PRDM16: variants seen among roughly 807,000 people sequenced by gnomAD.
PRDM16 encodes the protein PR/SET domain 16.
In PRDM16, 23 loss-of-function variants were observed where a neutral mutation model predicts 110.6. That is an observed-to-expected ratio of 0.21 (90% CI 0.15 to 0.29). PRDM16 has a LOEUF of 0.29. PRDM16 is among the 10% of genes least tolerant of loss of function. PRDM16 has a pLI of 1.00. For missense variants in PRDM16, 1,615 were observed against 1,794.3 expected (o/e 0.90, Z 1.81); for synonymous variants, 799 against 781.8 (o/e 1.02, Z -0.37).
At chr1:3,077,313 G>A (rs970066484) in intron 1 of PRDM16, among the ~76,000 whole-genome samples, 2 of 152,144 alleles carry the variant, frequency 1.3e-5, no homozygotes, top group Admixed American at 6.5e-5. Context: ...ACTCTGCATC[G>A]TGTGTGTGTC....
chr1:3,211,464 A>G (rs1330519586), intron 2 of PRDM16, among the ~76,000 whole-genome samples: 2 of 151,964 alleles, frequency 1.3e-5, no homozygotes, highest in Admixed American at 6.6e-5. Flanking sequence ...CCGTGGGTGG[A>G]CTCCTAAGAA....
intron 4 of PRDM16, chr1:3,394,483 G>A (rs770900414): frequency 9.2e-6 from 4 of 436,456 alleles, no homozygotes; most frequent in African/African-American, 6.3e-5. Context: ...GGGTGGGGTG[G>A]AGAGGGAGGT....
intron 3 of PRDM16, among the ~76,000 whole-genome samples, chr1:3,262,637 G>A (rs926180697): frequency 6.6e-6 from 1 of 152,216 alleles, no homozygotes; most frequent in African/African-American, 2.4e-5. Flanking sequence ...TTTGGGGAAG[G>A]GGTGCAGCTT....
chr1:3,378,243 G>A (rs1254781968), intron 3 of PRDM16, among the ~76,000 whole-genome samples: 1 of 152,196 alleles, frequency 6.6e-6, no homozygotes, highest in Non-Finnish European at 1.5e-5. Context: ...AGCATCCAGA[G>A]CCCAGGGAGG....
chr1:3,258,877 C>G (rs1640104537), intron 3 of PRDM16, among the ~76,000 whole-genome samples: 1 of 152,216 alleles, frequency 6.6e-6, no homozygotes, highest in African/African-American at 2.4e-5. Context: ...ACCTGAGGCT[C>G]TGGGTTACCA....
chr1:3,173,986 G>A (rs1276942732), intron 1 of PRDM16, among the ~76,000 whole-genome samples: 1 of 152,234 alleles, frequency 6.6e-6, no homozygotes, highest in Non-Finnish European at 1.5e-5. Context: ...TGGTCTTTGT[G>A]TGAGTGTCTT....
At chr1:3,406,653 G>A (rs758103941) in intron 8 of PRDM16, among the ~76,000 whole-genome samples, 9 of 152,122 alleles carry the variant, frequency 5.9e-5, no homozygotes, top group Non-Finnish European at 1.0e-4. Flanking sequence ...AAGGGCAAGA[G>A]GATGTCCTGA....
chr1:3,233,375 T>C (rs1639462385), intron 2 of PRDM16, among the ~76,000 whole-genome samples: 1 of 152,004 alleles, frequency 6.6e-6, no homozygotes, highest in Admixed American at 6.6e-5. Flanking sequence ...ATGGCAGAGT[T>C]TGGTGTTGGT....
chr1:3,423,060 C>T (rs371971861), intron 12 of PRDM16, among the ~76,000 whole-genome samples: 84 of 152,358 alleles, frequency 5.5e-4, no homozygotes, highest in African/African-American at 1.8e-3. Flanking sequence ...AGCCTGGCCT[C>T]CGGCAAAGGT....
chr1:3,347,635 C>A (rs1642389523), intron 3 of PRDM16, among the ~76,000 whole-genome samples: 1 of 152,202 alleles, frequency 6.6e-6, no homozygotes, highest in Non-Finnish European at 1.5e-5. Flanking sequence ...CATGACCCTG[C>A]CCCAGGTCCC....
Position 3,339,131 on chromosome 1 carries a change from G to C in PRDM16, c.439-46021G>C, listed in dbSNP as rs946366767. Among the ~76,000 whole-genome samples, 3 of 152,168 alleles carry C rather than the reference G, an allele frequency of 2.0e-5. No homozygotes were observed. The highest frequency in any genetic ancestry group is 4.4e-5 in the Non-Finnish European group (3 of 68,038). On this transcript the variant is annotated intron_variant, in intron 3 of 16. Coordinates refer to ENST00000270722, the MANE Select transcript of PRDM16 (RefSeq NM_022114.4). This position sits in a 1 kb window ranked among gnomAD's most constrained non-coding sequence, Gnocchi z 5.0. The stretch of plus-strand genomic sequence containing the variant: ...TGGCCTCCCCATGTCCCGCCTTTCC[G>C]GGTGCTCAGAGGCATCTCCTGCTCT...
At chr1:3,169,473 C>G (rs576162930) in intron 1 of PRDM16, among the ~76,000 whole-genome samples, 1 of 152,242 alleles carries the variant, frequency 6.6e-6, no homozygotes, top group Non-Finnish European at 1.5e-5. Context: ...GGGGTTTGAG[C>G]CCCACCCCTC....
At chr1:3,231,196 G>A (rs1049896626) in intron 2 of PRDM16, among the ~76,000 whole-genome samples, 6 of 152,144 alleles carry the variant, frequency 3.9e-5, no homozygotes, top group African/African-American at 1.2e-4. Context: ...CTTCATACAC[G>A]TAAAAGCCGC....
intron 1 of PRDM16, among the ~76,000 whole-genome samples, chr1:3,183,675 A>T (rs951635810): frequency 1.3e-5 from 2 of 152,142 alleles, no homozygotes; most frequent in Non-Finnish European, 1.5e-5. Flanking sequence ...TTGGCCAGTA[A>T]ATTAAACATG....
rs541442357 is a variant in PRDM16 at position 3,087,180 on chromosome 1, G to A, written c.37+17884G>A. ...CACCACGTGCTGGTCAGCCCCACCC[G>A]AGACCAGCCCCACCCGAGACCAGCC... On this transcript the variant is annotated intron_variant, in intron 1 of 16. Transcript: ENST00000270722. Among the ~76,000 whole-genome samples, 8 of 146,322 alleles carry A rather than the reference G, an allele frequency of 5.5e-5. No individual in the cohort carries two copies. In the South Asian group the frequency reaches 1.8e-3, roughly 32 times the overall value.
In PRDM16 at chr1:3,145,439, C is replaced by T. The variant is rs564882004; in HGVS notation, c.38-40686C>T. Among the ~76,000 whole-genome samples the T allele has an allele frequency of 1.3e-5, 2 of 152,316 alleles. 1 individual carries two copies. The highest frequency in any genetic ancestry group is 4.8e-5 in the African/African-American group (2 of 41,570). ...TGGGTGTTCCCCAGCCCTGCCTCTGCAGCCCTGGAAGGAGGAACGGGGCCT... is the reference window on the plus strand; with the variant it reads ...TGGGTGTTCCCCAGCCCTGCCTCTGTAGCCCTGGAAGGAGGAACGGGGCCT... On this transcript the variant is annotated intron_variant, in intron 1 of 16. Transcript: ENST00000270722.
intron 1 of PRDM16, among the ~76,000 whole-genome samples, chr1:3,094,151 C>G (rs924540838): frequency 6.6e-6 from 1 of 152,100 alleles, no homozygotes; most frequent in Non-Finnish European, 1.5e-5. Flanking sequence ...GGGCGGGGCA[C>G]GCAGGGCAGA....
At chr1:3,238,613 C>T (rs897158347) in intron 2 of PRDM16, among the ~76,000 whole-genome samples, 39 of 152,326 alleles carry the variant, frequency 2.6e-4, no homozygotes, top group South Asian at 4.1e-4. Context: ...AGAGGCGGGG[C>T]GGCCGGCGAC....
At chr1:3,250,098 C>T (rs1286898308) in intron 3 of PRDM16, among the ~76,000 whole-genome samples, 2 of 152,030 alleles carry the variant, frequency 1.3e-5, no homozygotes, top group Non-Finnish European at 2.9e-5. Context: ...GCCTGGCTTC[C>T]GCTTCCTCCG....
Sources: allele counts gnomAD v4.1 joint callset (sites outside exome capture counted in the v4.1 genomes callset), GRCh38; gene constraint gnomAD v4.1.1; non-coding constraint Gnocchi (gnomAD v3.1); transcripts MANE v1.5; gene names NCBI Gene and HGNC (gene_info 2026-07-23, HGNC 2026-07-21).